CD96: variants seen among roughly 807,000 people sequenced by gnomAD.
CD96 encodes T-cell surface protein tactile.
A neutral mutation model predicts 71.3 loss-of-function variants in CD96; 70 were observed. That is an observed-to-expected ratio of 0.98 (90% confidence interval 0.81 to 1.20). The LOEUF (loss-of-function observed/expected upper bound fraction) is 1.20. Ranked by LOEUF, CD96 falls within the 50% of genes most tolerant of loss-of-function variation. CD96 has a pLI of 0.00. For missense variants in CD96, 742 were observed against 677.5 expected (o/e 1.10, Z -1.06); for synonymous variants, 248 against 233.0 (o/e 1.06, Z -0.59).
intron 8 of CD96, among the ~76,000 whole-genome samples, chr3:111,611,289 A>G (rs73230118): frequency 0.094 from 14,292 of 152,232 alleles, 938 homozygotes; most frequent in Non-Finnish European, 0.14. Flanking sequence ...ATGATCAGAC[A>G]TTGAGGGGCA....
intron 4 of CD96, among the ~76,000 whole-genome samples, chr3:111,580,571 A>C (rs1936420661): frequency 6.6e-6 from 1 of 152,208 alleles, no homozygotes; most frequent in African/African-American, 2.4e-5. Flanking sequence ...GCAAGCAAAA[A>C]AAAATTATTT....
At chr3:111,599,266 C>G (rs1937390694) in intron 6 of CD96, among the ~76,000 whole-genome samples, 1 of 152,078 alleles carries the variant, frequency 6.6e-6, no homozygotes, top group Admixed American at 6.5e-5. Flanking sequence ...CCGCGCCCAG[C>G]CCTTTCTGAA....
At chr3:111,602,791 A>G (rs1937526251) in intron 7 of CD96, among the ~76,000 whole-genome samples, 1 of 152,234 alleles carries the variant, frequency 6.6e-6, no homozygotes, top group South Asian at 2.1e-4. Context: ...TGAGATGAAG[A>G]CACAGAAGAA....
chr3:111,609,507 T>A (rs1452769774), intron 8 of CD96, among the ~76,000 whole-genome samples: 1 of 152,212 alleles, frequency 6.6e-6, no homozygotes, highest in African/African-American at 2.4e-5. Context: ...GACATGAATT[T>A]CTTCTAGTTG....
At chr3:111,552,438 G>A (rs1477369629) in intron 2 of CD96, among the ~76,000 whole-genome samples, 1 of 152,074 alleles carries the variant, frequency 6.6e-6, no homozygotes, top group Non-Finnish European at 1.5e-5. Context: ...GGACTTTCCA[G>A]CCTCAAGAAC....
rs560029730 is a variant in CD96 at position 111,633,447 on chromosome 3, A to G, written c.1322-3749A>G. Among the ~76,000 whole-genome samples, 26 of 151,726 alleles carry G rather than the reference A, an allele frequency of 1.7e-4. No individual in the cohort carries two copies. The South Asian group carries it at 4.8e-3, about 28-fold the overall frequency. ...ACATGAATTGAGCACATGCTGTTGG[A>G]AAAAAAATGGCACCTATAGACTTGC... On this transcript the variant is annotated intron_variant, in intron 10 of 13. Transcript: ENST00000352690.
chr3:111,558,833 G>T (rs1454201511), intron 2 of CD96, among the ~76,000 whole-genome samples: 4 of 148,974 alleles, frequency 2.7e-5, no homozygotes, highest in Non-Finnish European at 5.9e-5. Context: ...AATCCATCTG[G>T]TCCTGGACTC....
At chr3:111,570,520 G>A in intron 3 of CD96, 1 of 954,122 alleles carries the variant, frequency 1.0e-6, no homozygotes, top group Non-Finnish European at 1.6e-6. Flanking sequence ...ATCACAAATG[G>A]GACGCATGTG....
At chr3:111,613,576 T>C (rs1257155031) in intron 8 of CD96, among the ~76,000 whole-genome samples, 4 of 152,188 alleles carry the variant, frequency 2.6e-5, no homozygotes, top group Non-Finnish European at 5.9e-5. Context: ...TTCAAATGTG[T>C]TTAGATGTAG....
At chr3:111,615,493 T>C (rs1451270143) in intron 8 of CD96, among the ~76,000 whole-genome samples, 1 of 152,222 alleles carries the variant, frequency 6.6e-6, no homozygotes, top group African/African-American at 2.4e-5. Context: ...TGTATTCTAT[T>C]ATTAGAACCT....
chr3:111,567,030 G>T lies in CD96; in HGVS notation c.419-493G>T, dbSNP rs535141904. The stretch of plus-strand genomic sequence containing the variant: ...GTTCGTTAATTGTAACAAATGTACC[G>T]CTGTGGAACAGGATGTCCACAGTGG... On this transcript the variant is annotated intron_variant, in intron 2 of 13. Transcript: ENST00000352690. Among the ~76,000 whole-genome samples the T allele has an allele frequency of 2.2e-3, 330 of 152,244 alleles. 2 individuals are homozygous for T. Among genetic ancestry groups the T allele is most frequent in the African/African-American group, 6.2e-3 (259 of 41,558 alleles).
At chr3:111,584,355 G>A (rs555346311) in intron 4 of CD96, among the ~76,000 whole-genome samples, 19 of 152,184 alleles carry the variant, frequency 1.2e-4, no homozygotes, top group East Asian at 7.7e-4. Context: ...ACATTTTCTC[G>A]TCTTCTTCTG....
At chr3:111,585,145 C>A (rs745602061) in intron 4 of CD96, among the ~76,000 whole-genome samples, 178 bp from the exon 5 acceptor site, 4 of 152,036 alleles carry the variant, frequency 2.6e-5, no homozygotes, top group Non-Finnish European at 5.9e-5. Flanking sequence ...GTTTCCTAAG[C>A]ATCTAGCATA....
intron 14 of CD96, among the ~76,000 whole-genome samples, chr3:111,660,558 C>A (rs1940330890): frequency 6.6e-6 from 1 of 152,114 alleles, no homozygotes; most frequent in African/African-American, 2.4e-5. Context: ...GCTGAATAGC[C>A]AAAGCAATCC....
At chr3:111,641,439 G>C (rs974177341) in intron 12 of CD96, among the ~76,000 whole-genome samples, 2 of 152,274 alleles carry the variant, frequency 1.3e-5, no homozygotes, top group Admixed American at 1.3e-4. Context: ...TGTCTAACAG[G>C]AAAATATCAC....
intron 2 of CD96, among the ~76,000 whole-genome samples, chr3:111,546,810 A>G (rs1934418475): frequency 6.6e-6 from 1 of 151,874 alleles, no homozygotes; most frequent in Non-Finnish European, 1.5e-5. Context: ...ATGCTGTTGG[A>G]ACAGTCCACC....
chr3:111,561,982 C>T (rs1173252287), intron 2 of CD96, among the ~76,000 whole-genome samples: 3 of 152,024 alleles, frequency 2.0e-5, no homozygotes, highest in South Asian at 4.2e-4. Context: ...CCAGGTGCGT[C>T]CGTCACCCCT....
rs188552548 is a variant in CD96 at position 111,596,856 on chromosome 3, C to T, written c.808-1264C>T. Among the ~76,000 whole-genome samples the T allele has an allele frequency of 1.1e-4, 17 of 152,278 alleles. No individual in the cohort carries two copies. The East Asian group carries it at 2.1e-3, about 19-fold the overall frequency. On this transcript the variant is annotated intron_variant, in intron 5 of 13. Transcript: ENST00000352690. The stretch of plus-strand genomic sequence containing the variant: ...ATTATCTGGAAAGGCAAGTGTTGAA[C>T]GGATGGGAATACTGGGAGCTACGGT...
At chr3:111,614,864 G>A (rs999779084) in intron 8 of CD96, among the ~76,000 whole-genome samples, 12 of 152,122 alleles carry the variant, frequency 7.9e-5, no homozygotes, top group Non-Finnish European at 1.6e-4. Context: ...TCCACACTTC[G>A]CTTGGTCTAA....
Sources: allele counts gnomAD v4.1 joint callset (sites outside exome capture counted in the v4.1 genomes callset), GRCh38; gene constraint gnomAD v4.1.1; transcripts MANE v1.5; gene names NCBI Gene and HGNC (gene_info 2026-07-23, HGNC 2026-07-21).